The following PSKH1 variants were observed in gnomAD, a reference collection of about 807,000 sequenced individuals.
The protein encoded by PSKH1 is serine/threonine-protein kinase H1.
PSKH1 carries 12 observed loss-of-function variants against 26.7 expected under a neutral mutation model. The observed-to-expected ratio is 0.45, with a 90% CI of 0.29 to 0.73. PSKH1 has a LOEUF of 0.73. Among genes scored for constraint, PSKH1 ranks in the 30% least tolerant of loss-of-function variants. The pLI, the probability that PSKH1 is intolerant of heterozygous loss-of-function variation, is 0.11. For missense variants in PSKH1, 431 were observed against 595.2 expected (o/e 0.72, Z 2.87); for synonymous variants, 213 against 234.3 (o/e 0.91, Z 0.83).
chr16:67,902,584 C>T (rs1056367489), intron 1 of PSKH1, among the ~76,000 whole-genome samples: 18 of 152,202 alleles, frequency 1.2e-4, no homozygotes, highest in African/African-American at 4.1e-4. Context: ...GCCTGAGCCA[C>T]TGCGCCCAGC....
intron 1 of PSKH1, among the ~76,000 whole-genome samples, chr16:67,908,234 C>T (rs186156729): frequency 1.3e-5 from 2 of 152,204 alleles, no homozygotes; most frequent in East Asian, 3.9e-4. Context: ...AAGCCATACT[C>T]CCGACCAGGG....
At chr16:67,899,331 ATTTTTT>A (rs555492519) in intron 1 of PSKH1, among the ~76,000 whole-genome samples, 1 of 128,270 alleles carries the variant, frequency 7.8e-6, no homozygotes, top group East Asian at 2.2e-4. Context: ...GCCAGACCAC[ATTTTTT>A]TTTTTTTTTT....
At chr16:67,901,981 C>G (rs531824380) in intron 1 of PSKH1, among the ~76,000 whole-genome samples, 1 of 151,920 alleles carries the variant, frequency 6.6e-6, no homozygotes, top group African/African-American at 2.4e-5. Context: ...AAAGTGAGGC[C>G]GGGTGCAGTG....
chr16:67,927,663 T>TG lies in PSKH1; in HGVS notation c.*22dup. ...GCTGAGCCGCCTGGCTGTGCACACA[T>TG]GCAGCACGACCCAGCCTGGCCACAC... is the stretch of plus-strand genomic sequence containing the variant. On this transcript the variant is annotated 3_prime_UTR_variant, in exon 3 of 3. Transcript: ENST00000291041. This position sits in a 1 kb window ranked among gnomAD's most constrained non-coding sequence, Gnocchi z 5.5. 1 of 1,583,056 alleles carries TG rather than the reference T, an allele frequency of 6.3e-7. No homozygotes were observed. Among genetic ancestry groups the TG allele is most frequent in the Non-Finnish European group, 8.6e-7 (1 of 1,169,130 alleles).
chr16:67,896,352 A>G (rs1471872368), intron 1 of PSKH1, among the ~76,000 whole-genome samples: 1 of 151,336 alleles, frequency 6.6e-6, no homozygotes, highest in Non-Finnish European at 1.5e-5. Context: ...CAGGTGATCC[A>G]CTCACCTCGG....
chr16:67,898,634 T>C (rs2058133289), intron 1 of PSKH1, among the ~76,000 whole-genome samples: 2 of 150,406 alleles, frequency 1.3e-5, no homozygotes, highest in Non-Finnish European at 3.0e-5. Flanking sequence ...TCTTTTTTTT[T>C]TTTTTTGGAG....
At chr16:67,902,690 G>A (rs1192091034) in intron 1 of PSKH1, among the ~76,000 whole-genome samples, 3 of 152,144 alleles carry the variant, frequency 2.0e-5, no homozygotes, top group Non-Finnish European at 2.9e-5. Context: ...CAGTACATGT[G>A]CCTGTAGATG....
intron 1 of PSKH1, among the ~76,000 whole-genome samples, chr16:67,893,654 T>G (rs1247978616): frequency 6.6e-6 from 1 of 152,226 alleles, no homozygotes; most frequent in Non-Finnish European, 1.5e-5. Context: ...CCCTGCCTGC[T>G]TGCTGTTCAG....
intron 1 of PSKH1, among the ~76,000 whole-genome samples, chr16:67,903,487 AGATG>A (rs1416593822): frequency 1.3e-5 from 2 of 151,764 alleles, no homozygotes; most frequent in African/African-American, 4.9e-5. Context: ...TCTCTTTTTG[AGATG>A]GAGTCTTGCT....
At chr16:67,926,494 T>C (rs1430595740) in intron 2 of PSKH1, among the ~76,000 whole-genome samples, 1 of 152,206 alleles carries the variant, frequency 6.6e-6, no homozygotes, top group Non-Finnish European at 1.5e-5. Flanking sequence ...TCCTTTACCC[T>C]GAGAACCTGA....
In PSKH1 at chr16:67,909,415, G is replaced by C; in HGVS notation, c.666G>C (p.Glu222Asp). The change falls in exon 2 of 3, where the codon GAG (glutamate) becomes GAC (aspartate). Residue 222 changes from glutamate (E) to aspartate (D), a missense_variant. Transcript: ENST00000291041. This position sits in a 1 kb window ranked among gnomAD's most constrained non-coding sequence, Gnocchi z 7.8. Reference protein sequence around the residue: ...LGITHRDLKPENLLYYHPGTD... With the variant: ...LGITHRDLKPDNLLYYHPGTD... ...TCACACACCGAGACCTCAAACCTGAGAATCTGCTCTACTACCATCCGGGCA... is the reference window on the plus strand; with the variant it reads ...TCACACACCGAGACCTCAAACCTGACAATCTGCTCTACTACCATCCGGGCA... 1.2e-6 allele frequency: 2 copies of C among 1,613,608 alleles called. No homozygotes were observed. The highest frequency in any genetic ancestry group is 1.7e-6 in the Non-Finnish European group (2 of 1,180,014).
At chr16:67,921,750 C>T (rs534395909) in intron 2 of PSKH1, among the ~76,000 whole-genome samples, 16 of 152,172 alleles carry the variant, frequency 1.1e-4, no homozygotes, top group Non-Finnish European at 1.8e-4. Context: ...AAGCAGACAT[C>T]GCTATGTTGG....
chr16:67,896,535 CTTTTTTTTT>C (rs959626962), intron 1 of PSKH1, among the ~76,000 whole-genome samples: 1 of 80,952 alleles, frequency 1.2e-5, no homozygotes, highest in Non-Finnish European at 2.4e-5. Flanking sequence ...TAGTGTGCTT[CTTTTTTTTT>C]TTTTTTTTTT....
chr16:67,912,188 C>G (rs973102102), intron 2 of PSKH1, among the ~76,000 whole-genome samples: 4 of 152,166 alleles, frequency 2.6e-5, no homozygotes, highest in African/African-American at 9.7e-5. Context: ...TAAATGGGAC[C>G]ATACTGGTAC....
At chr16:67,899,382 C>T (rs2058135701) in intron 1 of PSKH1, among the ~76,000 whole-genome samples, 1 of 144,058 alleles carries the variant, frequency 6.9e-6, no homozygotes, top group South Asian at 2.2e-4. Flanking sequence ...ATGGCCCAGG[C>T]TGGAGTGCAG....
At chr16:67,924,234 G>T (rs1352108560) in intron 2 of PSKH1, among the ~76,000 whole-genome samples, 1 of 152,238 alleles carries the variant, frequency 6.6e-6, no homozygotes, top group African/African-American at 2.4e-5. Context: ...GCTGGGACCT[G>T]CCAGAGAGGC....
In PSKH1 at chr16:67,908,964, A is replaced by T; in HGVS notation, c.215A>T (p.Glu72Val). The T allele has an allele frequency of 1.9e-6, 3 of 1,613,976 alleles. No individual in the cohort carries two copies. Among genetic ancestry groups the T allele is most frequent in the Non-Finnish European group, 2.5e-6 (3 of 1,179,902 alleles). The change falls in exon 2 of 3, where the codon GAG becomes GTG. Residue 72 changes from glutamate to valine, a missense_variant. Transcript: ENST00000291041. Reference protein sequence around the residue: ...CPGPPTAGHTEPPSEPPRRAR... With the variant: ...CPGPPTAGHTVPPSEPPRRAR... ...GGTCCCCCGACTGCTGGCCACACGG[A>T]GCCTCCCTCAGAACCACCACGCAGG... is the stretch of plus-strand genomic sequence containing the variant.
At chr16:67,897,125 A>C (rs1221046110) in intron 1 of PSKH1, among the ~76,000 whole-genome samples, 1 of 152,206 alleles carries the variant, frequency 6.6e-6, no homozygotes, top group Non-Finnish European at 1.5e-5. Flanking sequence ...AGGATAGCTG[A>C]GAACAGCTGT....
chr16:67,901,417 C>T lies in PSKH1; in HGVS notation c.-70-7263C>T, dbSNP rs1029736204. ...CGCGATCTCAGCTCACTGCAACCTC[C>T]GCCTCCTGGGTTCAAGCAATTCTCC... On this transcript the variant is annotated intron_variant, in intron 1 of 2. Coordinates refer to ENST00000291041, the MANE Select transcript of PSKH1 (RefSeq NM_006742.3). 4.6e-5 allele frequency among the ~76,000 whole-genome samples: 7 copies of T among 151,658 alleles called. 1 individual carries two copies. Among genetic ancestry groups the T allele is most frequent in the African/African-American group, 1.5e-4 (6 of 41,202 alleles).
Sources: allele counts gnomAD v4.1 joint callset (sites outside exome capture counted in the v4.1 genomes callset), GRCh38; gene constraint gnomAD v4.1.1; non-coding constraint Gnocchi (gnomAD v3.1); transcripts MANE v1.5; gene names NCBI Gene and HGNC (gene_info 2026-07-23, HGNC 2026-07-21).